The following CTNNA3 variants were observed in gnomAD, a reference collection of about 807,000 sequenced individuals.
The protein encoded by CTNNA3 is catenin alpha-3.
A neutral mutation model predicts 95.7 loss-of-function variants in CTNNA3; 76 were observed. That is an observed-to-expected ratio of 0.79 (90% CI 0.66 to 0.96). The LOEUF (loss-of-function observed/expected upper bound fraction) is 0.96. CTNNA3 is among the 40% of genes least tolerant of loss of function. CTNNA3 has a pLI of 0.00. For missense variants in CTNNA3, 1,191 were observed against 1,089.8 expected, an observed-to-expected ratio of 1.09 and a Z score of -1.31; for synonymous variants, 431 against 374.4, an observed-to-expected ratio of 1.15 and a Z score of -1.74.
intron 7 of CTNNA3, among the ~76,000 whole-genome samples, chr10:66,923,459 A>G (rs1163067777): frequency 2.0e-5 from 3 of 152,184 alleles, no homozygotes; most frequent in Admixed American, 6.5e-5. Flanking sequence ...AGAGCCTTTC[A>G]AGCAACAGAG....
chr10:66,208,215 G>C (rs1243505110), intron 13 of CTNNA3, among the ~76,000 whole-genome samples: 1 of 152,108 alleles, frequency 6.6e-6, no homozygotes, highest in Non-Finnish European at 1.5e-5. Context: ...GACAGAGAGA[G>C]AGGGAGATTG....
intron 17 of CTNNA3, among the ~76,000 whole-genome samples, chr10:65,947,671 T>C (rs1321768263): frequency 1.3e-5 from 2 of 152,242 alleles, no homozygotes; most frequent in African/African-American, 4.8e-5. Context: ...CCAACCTGTA[T>C]TAAACTTAAA....
chr10:67,464,871 A>AAAAAAAG (rs1847524658), intron 5 of CTNNA3, among the ~76,000 whole-genome samples: 1 of 146,216 alleles, frequency 6.8e-6, no homozygotes, highest in Admixed American at 6.7e-5. Flanking sequence ...TAAGAAAAAA[A>AAAAAAAG]AAAAAGAAAA....
At position 66,703,595 on chromosome 10, in the gene CTNNA3, G is replaced by T. The variant is rs58633365; in HGVS notation, c.1281+62669C>A. On this transcript the variant is annotated intron_variant, in intron 9 of 17. Transcript: ENST00000433211. ...ACCAATCAGAAAATATGTCCGTGGTGATCCATACCTTTTTGTTAACATAAT... is the reference window on the plus strand; with the variant it reads ...ACCAATCAGAAAATATGTCCGTGGTTATCCATACCTTTTTGTTAACATAAT... 9.1e-3 allele frequency among the ~76,000 whole-genome samples: 1,389 copies of T among 152,010 alleles called. 24 individuals are homozygous for T. The highest frequency in any genetic ancestry group is 0.031 in the African/African-American group (1,279 of 41,542).
chr10:66,314,392 AT>A, intron 12 of CTNNA3, among the ~76,000 whole-genome samples: 1 of 150,622 alleles, frequency 6.6e-6, no homozygotes, highest in East Asian at 1.9e-4. Context: ...GCAAAAATTA[AT>A]TTAAAAATTT....
intron 10 of CTNNA3, among the ~76,000 whole-genome samples, chr10:66,548,985 T>C (rs1842126527): frequency 4.1e-5 from 1 of 24,464 alleles, no homozygotes; most frequent in African/African-American, 1.0e-4. Context: ...CTCCATTTTT[T>C]TTTTTTTTTT....
intron 5 of CTNNA3, among the ~76,000 whole-genome samples, chr10:67,390,513 C>T (rs1241833540): frequency 6.6e-6 from 1 of 151,946 alleles, no homozygotes; most frequent in Non-Finnish European, 1.5e-5. Context: ...TGAAACTATT[C>T]CAATCAATAG....
chr10:67,426,869 C>T (rs1223008795), intron 5 of CTNNA3, among the ~76,000 whole-genome samples: 1 of 151,128 alleles, frequency 6.6e-6, no homozygotes, highest in African/African-American at 2.4e-5. Flanking sequence ...AATAAAGATG[C>T]AATTTAAATA....
At chr10:67,574,520 T>C (rs1346086106) in intron 3 of CTNNA3, among the ~76,000 whole-genome samples, 1 of 151,976 alleles carries the variant, frequency 6.6e-6, no homozygotes, top group Non-Finnish European at 1.5e-5. Context: ...GCATTCCACC[T>C]TTCCCTTCTG....
At chr10:66,831,500 T>C (rs138669079) in intron 7 of CTNNA3, among the ~76,000 whole-genome samples, 39 of 152,318 alleles carry the variant, frequency 2.6e-4, no homozygotes, top group African/African-American at 9.1e-4. Context: ...TTGAAATCTT[T>C]TCTGGGATGC....
At chr10:66,613,738 T>A (rs1033014557) in intron 10 of CTNNA3, among the ~76,000 whole-genome samples, 1 of 152,106 alleles carries the variant, frequency 6.6e-6, no homozygotes, top group African/African-American at 2.4e-5. Context: ...TTCCAAAGTC[T>A]TAAGAGCATT....
intron 9 of CTNNA3, among the ~76,000 whole-genome samples, chr10:66,737,450 G>A (rs1004045144): frequency 3.3e-5 from 5 of 151,920 alleles, no homozygotes; most frequent in Non-Finnish European, 7.4e-5. Context: ...CATTTTATTG[G>A]AGCATATTTT....
intron 11 of CTNNA3, among the ~76,000 whole-genome samples, chr10:66,491,326 T>C (rs1057287600): frequency 2.6e-5 from 4 of 152,142 alleles, no homozygotes; most frequent in African/African-American, 9.7e-5. Flanking sequence ...TAAGGTACTG[T>C]AGAAAATACA....
intron 13 of CTNNA3, among the ~76,000 whole-genome samples, chr10:66,139,867 A>G (rs776638471): frequency 6.6e-5 from 10 of 152,184 alleles, no homozygotes; most frequent in Admixed American, 1.3e-4. Context: ...GTTGAACTCC[A>G]ATAAAGAGAC....
chr10:67,317,467 C>T (rs1176991265), intron 5 of CTNNA3, among the ~76,000 whole-genome samples: 2 of 151,338 alleles, frequency 1.3e-5, no homozygotes, highest in African/African-American at 4.9e-5. Context: ...CTCCCTGTCG[C>T]CAGGCTGCAG....
chr10:66,740,717 C>T (rs1849300540), intron 9 of CTNNA3, among the ~76,000 whole-genome samples: 1 of 152,186 alleles, frequency 6.6e-6, no homozygotes, highest in Non-Finnish European at 1.5e-5. Flanking sequence ...TCTGCCATTA[C>T]AAAATTATCA....
intron 9 of CTNNA3, among the ~76,000 whole-genome samples, chr10:66,645,139 A>G (rs7089149): frequency 0.66 from 100,556 of 151,744 alleles, 34,205 homozygotes; most frequent in East Asian, 0.95. Flanking sequence ...CAATACAAAT[A>G]TGTTCTCCCA....
intron 15 of CTNNA3, among the ~76,000 whole-genome samples, chr10:66,060,691 C>T (rs961375920): frequency 1.3e-5 from 2 of 152,030 alleles, no homozygotes; most frequent in Non-Finnish European, 2.9e-5. Context: ...ATCCCATCTC[C>T]TATTTCACAC....
intron 9 of CTNNA3, among the ~76,000 whole-genome samples, chr10:66,630,880 A>ATTTG (rs747503894): frequency 6.1e-4 from 93 of 152,320 alleles, no homozygotes; most frequent in Non-Finnish European, 1.1e-3. Context: ...AATATTGATT[A>ATTTG]TGCACCTATT....
Sources: allele counts gnomAD v4.1 joint callset (sites outside exome capture counted in the v4.1 genomes callset), GRCh38; gene constraint gnomAD v4.1.1; transcripts MANE v1.5; gene names NCBI Gene and HGNC (gene_info 2026-07-23, HGNC 2026-07-21).